The following ABCB11 variants were observed in gnomAD, a reference collection of about 807,000 sequenced individuals.
ABCB11 encodes the protein ATP binding cassette subfamily B member 11.
Under a neutral mutation model 148.0 loss-of-function variants are expected in ABCB11, and 95 were observed. The ratio of observed to expected loss-of-function variants is 0.64; its 90% confidence interval spans 0.54 to 0.76. The LOEUF (loss-of-function observed/expected upper bound fraction) is 0.76. Among genes scored for constraint, ABCB11 ranks in the 30% least tolerant of loss-of-function variants. The pLI is 0.00. For synonymous variants in ABCB11, 591 were observed against 555.4 expected (o/e 1.06, Z -0.90); for missense variants, 1,523 against 1,617.8 (o/e 0.94, Z 1.01).
rs1693198844 is a variant in ABCB11, at chr2:168,964,214, C to T, written c.2170G>A (p.Asp724Asn). ...VVDHKSTYEE[D>N]RKDKDIPVQE... Reference sequence around the variant, plus strand: ...AGCAGTTGGTGCCTGACCTTTCTATCTTCTTCATAGGTAGACTTATGATCT... The same window carrying T: ...AGCAGTTGGTGCCTGACCTTTCTATTTTCTTCATAGGTAGACTTATGATCT... Residue 724 changes from aspartate (D) to asparagine (N), a missense_variant, in exon 18 of 28, where the codon GAT becomes AAT. Asp to Asn is a conservative substitution (Grantham distance 23). Transcript: ENST00000650372. 3.2e-6 allele frequency: 5 copies of T among 1,555,002 alleles called. No homozygotes were observed. Among genetic ancestry groups the T allele is most frequent in the Non-Finnish European group, 2.6e-6 (3 of 1,147,554 alleles).
chr2:168,968,399 T>A (rs939108491), intron 17 of ABCB11, 28 bp downstream of exon 17: 2 of 1,602,634 alleles, frequency 1.2e-6, no homozygotes, highest in Admixed American at 3.4e-5. Flanking sequence ...TTGGAAAGCT[T>A]GTAATCTGCC....
At chr2:169,028,496 T>G (rs373099281) in intron 1 of ABCB11, among the ~76,000 whole-genome samples, 2 of 151,888 alleles carry the variant, frequency 1.3e-5, no homozygotes, top group East Asian at 3.9e-4. Context: ...GAAGGACACA[T>G]GCAAAGGCCC....
At chr2:168,954,714 T>C (rs853778) in intron 19 of ABCB11, among the ~76,000 whole-genome samples, 81,125 of 151,476 alleles carry the variant, frequency 0.54, 22,022 homozygotes, top group South Asian at 0.66. Context: ...GAATTCCTTT[T>C]TGTAATGTGT....
intron 8 of ABCB11, among the ~76,000 whole-genome samples, chr2:168,992,473 T>C (rs13403982): frequency 0.06 from 9,147 of 152,178 alleles, 922 homozygotes; most frequent in African/African-American, 0.21. Context: ...TTGAGGGTTC[T>C]CTGGAGTATA....
At chr2:169,000,407 T>C (rs899249512) in intron 5 of ABCB11, among the ~76,000 whole-genome samples, 14 of 152,272 alleles carry the variant, frequency 9.2e-5, no homozygotes, top group African/African-American at 2.6e-4. Flanking sequence ...CTTCCATATT[T>C]TTCTAAAAGT....
chr2:169,010,595 A>C (rs1216201470), intron 5 of ABCB11, among the ~76,000 whole-genome samples: 2 of 152,210 alleles, frequency 1.3e-5, no homozygotes, highest in Admixed American at 1.3e-4. Context: ...CTGTACTTTT[A>C]ATGATATACT....
At chr2:168,986,946 C>G (rs1558910120) in intron 9 of ABCB11, among the ~76,000 whole-genome samples, 1 of 152,134 alleles carries the variant, frequency 6.6e-6, no homozygotes, top group East Asian at 1.9e-4. Context: ...GAATTGAATT[C>G]ATGGAGAACT....
Position 168,995,377 on chromosome 2 carries a change from C to T in ABCB11, c.583G>A (p.Val195Met), listed in dbSNP as rs762475940. ...GAGAATCTTGTATTCAGCTCCCCCA[C>T]TGAATTGCAGTCAAACCACCCTATT... ...MEIGWFDCNS[V>M]GELNTRFSDD... The change falls in exon 7 of 28, where the codon GTG becomes ATG. Residue 195 changes from valine to methionine, a missense_variant. By Grantham distance (21) the Val-to-Met change is conservative (BLOSUM62 1). Coordinates refer to ENST00000650372, the MANE Select transcript of ABCB11 (RefSeq NM_003742.4). 5.6e-6 allele frequency: 9 copies of T among 1,612,270 alleles called. No individual in the cohort carries two copies. The South Asian group carries it at 8.8e-5, about 16-fold the overall frequency.
At position 168,923,820 on chromosome 2, in the gene ABCB11, C is replaced by T. The variant is rs773371540; in HGVS notation, c.3768G>A (p.Thr1256=). 5.6e-6 allele frequency: 9 copies of T among 1,613,708 alleles called. No individual in the cohort carries two copies. Among genetic ancestry groups the T allele is most frequent in the East Asian group, 2.2e-5 (1 of 44,886 alleles). ...TSALDTESEK[T]VQVALDKARE... is the part of the protein sequence containing the mutation. ...TGGCTTTGTCTAGAGCAACCTGCAC[C>T]GTCTGCAAAGAGAAGATGGAAAGTT... Residue 1256 remains threonine (T), a splice_region_variant and synonymous_variant, in exon 28 of 28, where the codon ACG becomes ACA. Transcript: ENST00000650372.
intron 11 of ABCB11, among the ~76,000 whole-genome samples, chr2:168,979,402 C>G (rs1383660389): frequency 1.3e-5 from 2 of 152,098 alleles, no homozygotes; most frequent in Non-Finnish European, 2.9e-5. Flanking sequence ...GACTCTTTCT[C>G]CCACCCCAGT....
intron 11 of ABCB11, among the ~76,000 whole-genome samples, chr2:168,979,251 C>T (rs1694045173): frequency 6.6e-6 from 1 of 151,932 alleles, no homozygotes; most frequent in Non-Finnish European, 1.5e-5. Context: ...AACTTGGGGG[C>T]CTCTCTTCCA....
intron 5 of ABCB11, among the ~76,000 whole-genome samples, chr2:168,996,963 A>G (rs1364556587): frequency 6.6e-6 from 1 of 151,736 alleles, no homozygotes; most frequent in Non-Finnish European, 1.5e-5. Context: ...CACAGAAAAT[A>G]TGCATATCCC....
intron 5 of ABCB11, among the ~76,000 whole-genome samples, chr2:169,003,319 G>GGTGTGTGTGTGTGTGTGT (rs751149363): frequency 2.1e-5 from 3 of 140,116 alleles, no homozygotes; most frequent in East Asian, 2.7e-4. Flanking sequence ...AGTATTCCAT[G>GGTGTGTGTGTGTGTGTGT]GTGCGTGTGT....
In ABCB11 at chr2:168,922,301, G is replaced by C. The variant is rs1299445265; in HGVS notation, c.*1321C>G. ...TTAGCTGCCCCTTCAACTTCATCTT[G>C]TGTCTCTAAGTGCAAACCTCCCTGT... On this transcript the variant is annotated 3_prime_UTR_variant, in exon 28 of 28. Coordinates refer to ENST00000650372, the MANE Select transcript of ABCB11 (RefSeq NM_003742.4). 6.6e-6 allele frequency among the ~76,000 whole-genome samples: 1 copy of C among 152,122 alleles called. No homozygotes were observed. Among genetic ancestry groups the C allele is most frequent in the Non-Finnish European group, 1.5e-5 (1 of 68,026 alleles).
In ABCB11 at chr2:168,923,441, G is replaced by A. The variant is rs369877779; in HGVS notation, c.*181C>T. 1 of 635,256 alleles carries A rather than the reference G, an allele frequency of 1.6e-6. No individual in the cohort carries two copies. The highest frequency in any genetic ancestry group is 2.0e-5 in the South Asian group (1 of 49,486). 39.4% of individuals were successfully genotyped at this position (635,256 alleles called of 1,614,324 possible). ...TACACATCTAAAGCAGAATTATTAT[G>A]GAAGGCCATTAGAAATTAGCTTGGA... On this transcript the variant is annotated 3_prime_UTR_variant, in exon 28 of 28. Coordinates refer to ENST00000650372, the MANE Select transcript of ABCB11 (RefSeq NM_003742.4).
chr2:168,927,114 A>T (rs1691349861), intron 26 of ABCB11, 42 bp downstream of exon 26: 1 of 1,526,220 alleles, frequency 6.6e-7, no homozygotes, highest in Non-Finnish European at 9.1e-7. Context: ...ACTTCTCCCC[A>T]TCCTTGTCTC....
intron 18 of ABCB11, among the ~76,000 whole-genome samples, chr2:168,960,022 G>A (rs771966827): frequency 1.3e-5 from 2 of 150,318 alleles, no homozygotes; most frequent in Non-Finnish European, 3.0e-5. Flanking sequence ...GAAATTGTGT[G>A]AGACTAACTG....
At position 168,957,981 on chromosome 2, in the gene ABCB11, A is replaced by G. The variant is rs1013897332; in HGVS notation, c.2326T>C (p.Phe776Leu). Reference protein sequence around the residue: ...GTVTPLYAFLFSQILGTFSIP... With the variant: ...GTVTPLYAFLLSQILGTFSIP... ...GTACTTACCCCAAGAATCTGGCTGAATAAAAAGGCATACAAGGGTGTGACT... is the reference window on the plus strand; with the variant it reads ...GTACTTACCCCAAGAATCTGGCTGAGTAAAAAGGCATACAAGGGTGTGACT... The change falls in exon 19 of 28, where the codon TTC becomes CTC. Residue 776 changes from phenylalanine to leucine, a missense_variant. Transcript: ENST00000650372. The G allele has an allele frequency of 4.4e-6, 7 of 1,584,696 alleles. No individual in the cohort carries two copies. Among genetic ancestry groups the G allele is most frequent in the Non-Finnish European group, 4.3e-6 (5 of 1,157,530 alleles).
chr2:168,992,516 A>G (rs1158208503), intron 8 of ABCB11, among the ~76,000 whole-genome samples: 3 of 152,172 alleles, frequency 2.0e-5, no homozygotes, highest in Non-Finnish European at 2.9e-5. Flanking sequence ...AGACTGCCGT[A>G]AAACTTGAAT....
Sources: allele counts gnomAD v4.1 joint callset (sites outside exome capture counted in the v4.1 genomes callset), GRCh38; gene constraint gnomAD v4.1.1; transcripts MANE v1.5; gene names NCBI Gene and HGNC (gene_info 2026-07-23, HGNC 2026-07-21).